RASSF1: variants seen among roughly 807,000 people sequenced by gnomAD.
The protein encoded by RASSF1 is Ras association domain family member 1, also known as ras association domain-containing protein 1.
In RASSF1, 33 loss-of-function variants were observed where a neutral mutation model predicts 34.3. The ratio of observed to expected loss-of-function variants is 0.96; its 90% CI spans 0.73 to 1.29. The LOEUF is 1.29. Ranked by LOEUF, RASSF1 falls within the 50% of genes most tolerant of loss-of-function variation. The pLI is 0.00. For synonymous variants in RASSF1, 191 were observed against 195.0 expected (o/e 0.98, Z 0.17); for missense variants, 445 against 471.8 (o/e 0.94, Z 0.53).
rs1164707434 is a variant in RASSF1, at chr3:50,329,981, G to C, written c.*600C>G. ...GCAAATAAGGTATGAACCTGGGCCA[G>C]TGCCCACATTCACACAGACCCTGGC... is the stretch of plus-strand genomic sequence containing the variant. On this transcript the variant is annotated 3_prime_UTR_variant, in exon 6 of 6. Coordinates refer to ENST00000359365, the MANE Select transcript of RASSF1 (RefSeq NM_007182.5). The C allele has an allele frequency of 1.1e-4, 17 of 152,736 alleles. No homozygotes were observed. Among genetic ancestry groups the C allele is most frequent in the African/African-American group, 4.1e-4 (17 of 41,438 alleles). 9.5% of individuals were successfully genotyped at this position (152,736 alleles called of 1,614,324 possible).
chr3:50,340,411 C>G (rs1703319668), intron 1 of RASSF1, 145 bp downstream of exon 1: 1 of 1,166,294 alleles, frequency 8.6e-7, no homozygotes, highest in Non-Finnish European at 1.1e-6. Flanking sequence ...TTTTCGCGCA[C>G]TCTTCAGCGA....
chr3:50,339,083 C>G (rs948732802), intron 1 of RASSF1, among the ~76,000 whole-genome samples: 1 of 152,218 alleles, frequency 6.6e-6, no homozygotes, highest in Admixed American at 6.5e-5. Flanking sequence ...CTAGATCCTC[C>G]GTGCCAGTAC....
Position 50,330,747 on chromosome 3 carries a change from A to G in RASSF1, c.877-20T>C. On this transcript the variant is annotated intron_variant, in intron 5 of 5. Transcript: ENST00000359365. The surrounding 1 kb of genome is among the most constrained non-coding windows in gnomAD (Gnocchi z 4.5). ...GTCCCACTGCAAGGGGCAAAAGGGG[A>G]GTGTACAGGCTGCAGAAGGGATGGC... The G allele has an allele frequency of 6.2e-7, 1 of 1,612,780 alleles. No homozygotes were observed. The highest frequency in any genetic ancestry group is 2.2e-5 in the East Asian group (1 of 44,868).
chr3:50,331,919 G>A, intron 3 of RASSF1, 63 bp from the exon 4 acceptor site: 6 of 1,551,178 alleles, frequency 3.9e-6, no homozygotes, highest in South Asian at 1.2e-5. Context: ...GTCTACTTGG[G>A]GCTAGGCTGG....
At chr3:50,333,667 A>G (rs1703024494) in intron 2 of RASSF1, among the ~76,000 whole-genome samples, 1 of 152,046 alleles carries the variant, frequency 6.6e-6, no homozygotes, top group African/African-American at 2.4e-5. Context: ...TTTAGTAGAG[A>G]TGGGATTTCA....
intron 2 of RASSF1, chr3:50,337,072 G>A: frequency 4.3e-6 from 6 of 1,389,836 alleles, no homozygotes; most frequent in South Asian, 1.5e-5. Context: ...TAGCCAGGAG[G>A]GTGGGGCTGC....
At chr3:50,339,914 G>C (rs1234787354) in intron 1 of RASSF1, among the ~76,000 whole-genome samples, 1 of 152,174 alleles carries the variant, frequency 6.6e-6, no homozygotes, top group African/African-American at 2.4e-5. Flanking sequence ...ACAGGTCTGC[G>C]GTGGGATCCA....
chr3:50,333,889 C>A (rs1170660651), intron 2 of RASSF1, among the ~76,000 whole-genome samples: 1 of 152,226 alleles, frequency 6.6e-6, no homozygotes, highest in Non-Finnish European at 1.5e-5. Flanking sequence ...CGACTTTCTT[C>A]TCCCAGACTC....
chr3:50,336,211 G>A (rs977744595), intron 2 of RASSF1, among the ~76,000 whole-genome samples: 24 of 152,202 alleles, frequency 1.6e-4, no homozygotes, highest in African/African-American at 5.5e-4. Flanking sequence ...AGATTTTGGC[G>A]TGCTGAGCAC....
In RASSF1 at chr3:50,338,043, G is replaced by GC. The variant is rs1245982013; in HGVS notation, c.251-33dup. On this transcript the variant is annotated intron_variant, in intron 1 of 5. Coordinates refer to ENST00000359365, the MANE Select transcript of RASSF1 (RefSeq NM_007182.5). ...AGAGGCCTGGCGGTGAGGCGGAGGA[G>GC]CTCCAGGTCGGGGAAATGTCCCGGA... 2.6e-6 allele frequency: 4 copies of GC among 1,550,354 alleles called. No individual in the cohort carries two copies. In the African/African-American group the frequency reaches 5.5e-5, roughly 21 times the overall value.
chr3:50,334,400 A>G (rs1230084597), intron 2 of RASSF1, among the ~76,000 whole-genome samples: 2 of 152,194 alleles, frequency 1.3e-5, no homozygotes, highest in Non-Finnish European at 1.5e-5. Context: ...GTTAGTAAAA[A>G]CAAATGGTGT....
In RASSF1 at chr3:50,340,716, G is replaced by T; in HGVS notation, c.90C>A (p.Asn30Lys). 1 of 1,525,080 alleles carries T rather than the reference G, an allele frequency of 6.6e-7. No individual in the cohort carries two copies. The allele number at this position is 1,525,080 out of a possible 1,614,324, so 94.5% of individuals were successfully genotyped here. A position where few individuals can be genotyped will look rare whatever the true frequency, so the allele number is the denominator to read the frequency against. Residue 30 changes from asparagine to lysine, a missense_variant, in exon 1 of 6, where the codon AAC becomes AAA. By Grantham distance (94) the Asn-to-Lys change is moderately conservative (BLOSUM62 0). Transcript: ENST00000359365. Reference sequence around the variant, plus strand: ...CGGTGCCCCGCGCGATGCGCAGCGCGTTGGCACGCTCCAGCCGGGTGCGGC... The same window carrying T: ...CGGTGCCCCGCGCGATGCGCAGCGCTTTGGCACGCTCCAGCCGGGTGCGGC... ...GKGRTRLERA[N>K]ALRIARGTAC...
chr3:50,330,443 T>C lies in RASSF1; in HGVS notation c.*138A>G, dbSNP rs985587318. 4 of 1,241,982 alleles carry C rather than the reference T, an allele frequency of 3.2e-6. No homozygotes were observed. Among genetic ancestry groups the C allele is most frequent in the Non-Finnish European group, 4.5e-6 (4 of 891,722 alleles). The allele number at this position is 1,241,982 out of a possible 1,614,324, so 76.9% of individuals were successfully genotyped here. A position where few individuals can be genotyped will look rare whatever the true frequency, so the allele number is the denominator to read the frequency against. On this transcript the variant is annotated 3_prime_UTR_variant, in exon 6 of 6. Transcript: ENST00000359365. This position sits in a 1 kb window ranked among gnomAD's most constrained non-coding sequence, Gnocchi z 4.5. ...GGACACAGGGAGCAAGCTACTTCGC[T>C]GTTCTCTGGGCTCATTCCCCCAGCA...
intron 2 of RASSF1, chr3:50,336,974 C>A: frequency 1.3e-6 from 1 of 762,352 alleles, no homozygotes; most frequent in Non-Finnish European, 2.0e-6. Context: ...CCAAGGGGGC[C>A]CCGGCACCCA....
Position 50,337,932 on chromosome 3 carries a change from T to C in RASSF1, c.330A>G (p.Glu110=), listed in dbSNP as rs1703222193. ...CGTTCGTGTCCCGCTCCACCGCGGGTTCCCAGCCCAGGTCCCGGGGCCCGC... is the reference window on the plus strand; with the variant it reads ...CGTTCGTGTCCCGCTCCACCGCGGGCTCCCAGCCCAGGTCCCGGGGCCCGC... ...DCCGPRDLGW[E]PAVERDTNVD... Residue 110 remains glutamate, a synonymous_variant, in exon 2 of 6, where the codon GAA becomes GAG. Coordinates refer to ENST00000359365, the MANE Select transcript of RASSF1 (RefSeq NM_007182.5). 3 of 1,611,942 alleles carry C rather than the reference T, an allele frequency of 1.9e-6. No individual in the cohort carries two copies. Among genetic ancestry groups the C allele is most frequent in the Non-Finnish European group, 2.5e-6 (3 of 1,178,968 alleles).
At chr3:50,337,143 T>G (rs1355092854) in intron 2 of RASSF1, 3 of 1,580,040 alleles carry the variant, frequency 1.9e-6, no homozygotes, top group Non-Finnish European at 2.6e-6. Context: ...CCGCTTCCCC[T>G]CCCGCCCGCC....
chr3:50,337,968 G>C lies in RASSF1; in HGVS notation c.294C>G (p.Cys98Trp). ...GGTCCCGGGGCCCGCAACAGTCCAG[G>C]CAGACGAGCGCGCGGCAGCGGTAGT... Reference protein sequence around the residue: ...TCHYRCRALVCLDCCGPRDLG... With the variant: ...TCHYRCRALVWLDCCGPRDLG... The change falls in exon 2 of 6, where the codon TGC becomes TGG. Residue 98 changes from cysteine to tryptophan, a missense_variant. Coordinates refer to ENST00000359365, the MANE Select transcript of RASSF1 (RefSeq NM_007182.5). The C allele has an allele frequency of 6.2e-7, 1 of 1,609,392 alleles. No individual in the cohort carries two copies.
At chr3:50,336,171 A>G (rs1033690761) in intron 2 of RASSF1, among the ~76,000 whole-genome samples, 2 of 152,174 alleles carry the variant, frequency 1.3e-5, no homozygotes, top group African/African-American at 4.8e-5. Context: ...TCTACACTCA[A>G]CTCAACCCTT....
chr3:50,338,792 G>T (rs1441410475), intron 1 of RASSF1, among the ~76,000 whole-genome samples: 1 of 152,138 alleles, frequency 6.6e-6, no homozygotes, highest in Non-Finnish European at 1.5e-5. Context: ...GCCCGGGACA[G>T]GGTCCTCAGC....
Sources: allele counts gnomAD v4.1 joint callset (sites outside exome capture counted in the v4.1 genomes callset), GRCh38; gene constraint gnomAD v4.1.1; non-coding constraint Gnocchi (gnomAD v3.1); transcripts MANE v1.5; gene names NCBI Gene and HGNC (gene_info 2026-07-23, HGNC 2026-07-21).